NRXN3: variants seen among roughly 807,000 people sequenced by gnomAD.
The protein encoded by NRXN3 is neurexin 3.
NRXN3 carries 32 observed loss-of-function variants against 137.6 expected under a neutral mutation model. The observed-to-expected ratio is 0.23, with a 90% confidence interval of 0.18 to 0.31. The LOEUF (loss-of-function observed/expected upper bound fraction) is 0.31. Ranked by LOEUF, NRXN3 falls within the 10% of genes least tolerant of loss-of-function variation. NRXN3 has a pLI of 1.00. For synonymous variants in NRXN3, 798 were observed against 784.5 expected (o/e 1.02, Z -0.29); for missense variants, 1,574 against 2,062.5 (o/e 0.76, Z 4.59).
At chr14:78,397,684 A>C (rs889768259) in intron 4 of NRXN3, among the ~76,000 whole-genome samples, 2 of 151,410 alleles carry the variant, frequency 1.3e-5, no homozygotes, top group African/African-American at 4.8e-5. Context: ...GCTCACTGCA[A>C]CCTCTACCTC....
At chr14:79,510,737 T>C (rs1016501740) in intron 16 of NRXN3, among the ~76,000 whole-genome samples, 1 of 152,224 alleles carries the variant, frequency 6.6e-6, no homozygotes, top group Non-Finnish European at 1.5e-5. Context: ...CATTAATCTC[T>C]GAGGAATCTC....
At chr14:78,389,701 A>G (rs912752353) in intron 4 of NRXN3, among the ~76,000 whole-genome samples, 3 of 152,080 alleles carry the variant, frequency 2.0e-5, no homozygotes, top group Admixed American at 6.5e-5. Flanking sequence ...TTTTGCCTCA[A>G]TTTTGTTTAT....
rs577684488 is a variant in NRXN3, at chr14:78,486,290, A to G, written c.758-158830A>G. ...GTCCAAGTTGGGAGGTAGATGGTGA[A>G]TGTTTTACATTCCTGGTGTGACTCA... is the stretch of plus-strand genomic sequence containing the variant. On this transcript the variant is annotated intron_variant, in intron 4 of 20. Transcript: ENST00000335750. 2.6e-5 allele frequency among the ~76,000 whole-genome samples: 4 copies of G among 152,218 alleles called. No individual in the cohort carries two copies. The South Asian group carries it at 8.3e-4, about 32-fold the overall frequency.
chr14:79,854,733 G>T (rs965544504), intron 20 of NRXN3, among the ~76,000 whole-genome samples: 4 of 152,208 alleles, frequency 2.6e-5, no homozygotes, highest in Admixed American at 2.6e-4. Flanking sequence ...AGTACCAGTG[G>T]TATTTGCATC....
chr14:79,065,531 G>C (rs1343893838), intron 15 of NRXN3, among the ~76,000 whole-genome samples: 2 of 152,078 alleles, frequency 1.3e-5, no homozygotes, highest in Non-Finnish European at 2.9e-5. Flanking sequence ...GTATCACTTT[G>C]CTAGAGCTGC....
chr14:78,258,992 C>T (rs567511795), intron 2 of NRXN3, among the ~76,000 whole-genome samples: 4 of 152,040 alleles, frequency 2.6e-5, no homozygotes, highest in Admixed American at 1.3e-4. Flanking sequence ...ATTAGCTGGG[C>T]GTGGTGGCGG....
At chr14:79,486,943 CTCTCTCTCTCTCTCTCT>C (rs1488240258) in intron 16 of NRXN3, among the ~76,000 whole-genome samples, 1 of 150,994 alleles carries the variant, frequency 6.6e-6, no homozygotes, top group Non-Finnish European at 1.5e-5. Flanking sequence ...CTCTCTCTCT[CTCTCTCTCTCTCTCTCT>C]CCCACACACA....
At chr14:79,618,971 T>A (rs538955295) in intron 16 of NRXN3, among the ~76,000 whole-genome samples, 275 of 152,260 alleles carry the variant, frequency 1.8e-3, no homozygotes, top group African/African-American at 6.4e-3. Flanking sequence ...ATTGATCACT[T>A]TTTCATGTAA....
At chr14:79,452,727 G>A (rs949511082) in intron 15 of NRXN3, among the ~76,000 whole-genome samples, 1 of 152,184 alleles carries the variant, frequency 6.6e-6, no homozygotes, top group Non-Finnish European at 1.5e-5. Flanking sequence ...GATGGAAAGT[G>A]TATTTGAAAT....
intron 20 of NRXN3, among the ~76,000 whole-genome samples, chr14:79,857,376 T>C (rs923352150): frequency 3.9e-5 from 6 of 152,062 alleles, no homozygotes; most frequent in South Asian, 2.1e-4. Context: ...TGCCAGCCAC[T>C]ATGCCTGGCT....
At chr14:78,605,189 A>G (rs1316642704) in intron 4 of NRXN3, among the ~76,000 whole-genome samples, 1 of 152,154 alleles carries the variant, frequency 6.6e-6, no homozygotes, top group Non-Finnish European at 1.5e-5. Context: ...ATCTTCCCTC[A>G]GGCTCAAGAG....
At chr14:78,446,783 A>G (rs1333069581) in intron 4 of NRXN3, among the ~76,000 whole-genome samples, 1 of 152,150 alleles carries the variant, frequency 6.6e-6, no homozygotes, top group Non-Finnish European at 1.5e-5. Flanking sequence ...CCTCAACCTA[A>G]GTTGGGGCTC....
Position 78,731,725 on chromosome 14 carries a change from G to GTA in NRXN3, c.2044+16595_2044+16596dup, listed in dbSNP as rs556793118. On this transcript the variant is annotated intron_variant, in intron 8 of 20. Coordinates refer to ENST00000335750, the MANE Select transcript of NRXN3 (RefSeq NM_001330195.2). ...TATATATTATTTGGGAGATATATGT[G>GTA]TATATATATAACATGTTAATGTAAT... Among the ~76,000 whole-genome samples, 39 of 149,434 alleles carry GTA rather than the reference G, an allele frequency of 2.6e-4. No homozygotes were observed. In the South Asian group the frequency reaches 8.3e-3, roughly 32 times the overall value.
chr14:79,327,209 CTGCATT>C (rs2091019037), intron 15 of NRXN3, among the ~76,000 whole-genome samples: 1 of 152,204 alleles, frequency 6.6e-6, no homozygotes, highest in South Asian at 2.1e-4. Context: ...GAATATATCA[CTGCATT>C]TGCAGCTCCC....
At chr14:79,791,468 A>T (rs1421500180) in intron 19 of NRXN3, among the ~76,000 whole-genome samples, 2 of 146,928 alleles carry the variant, frequency 1.4e-5, no homozygotes, top group Non-Finnish European at 3.0e-5. Flanking sequence ...TTATAATAAT[A>T]ATTATATATT....
intron 15 of NRXN3, among the ~76,000 whole-genome samples, chr14:79,023,930 A>T (rs2099593958): frequency 6.6e-6 from 1 of 152,142 alleles, no homozygotes; most frequent in Non-Finnish European, 1.5e-5. Flanking sequence ...CCTTCTGTGC[A>T]GAGGGAACAG....
At chr14:78,863,047 A>T (rs1410430085) in intron 10 of NRXN3, among the ~76,000 whole-genome samples, 5 of 152,130 alleles carry the variant, frequency 3.3e-5, no homozygotes, top group African/African-American at 1.2e-4. Context: ...ATATGCCTAT[A>T]GGGCTCCGTA....
chr14:78,670,624 T>G (rs2097924893), intron 6 of NRXN3, among the ~76,000 whole-genome samples: 1 of 152,252 alleles, frequency 6.6e-6, no homozygotes, highest in Admixed American at 6.5e-5. Context: ...TTACGTGTGC[T>G]AACACATTTC....
At chr14:78,281,375 G>A (rs933247203) in intron 3 of NRXN3, among the ~76,000 whole-genome samples, 6 of 152,328 alleles carry the variant, frequency 3.9e-5, no homozygotes, top group East Asian at 3.9e-4. Context: ...CCCAGAGGCC[G>A]CTGGAAGACT....
Sources: allele counts gnomAD v4.1 joint callset (sites outside exome capture counted in the v4.1 genomes callset), GRCh38; gene constraint gnomAD v4.1.1; transcripts MANE v1.5; gene names NCBI Gene and HGNC (gene_info 2026-07-23, HGNC 2026-07-21).